The following ATXN7L1 variants were observed in gnomAD, a reference collection of about 807,000 sequenced individuals.
ATXN7L1 encodes the protein ataxin 7 like 1, also known as ataxin-7-like protein 1.
ATXN7L1 carries 15 observed loss-of-function variants against 70.8 expected under a neutral mutation model. The observed-to-expected ratio is 0.21, with a 90% CI of 0.14 to 0.33. ATXN7L1 has a LOEUF of 0.33. ATXN7L1 is among the 10% of genes least tolerant of loss of function. The pLI, the probability that ATXN7L1 is intolerant of heterozygous loss-of-function variation, is 1.00. For missense variants in ATXN7L1, 975 were observed against 1,097.1 expected, an observed-to-expected ratio of 0.89 and a Z score of 1.57; for synonymous variants, 440 against 445.1, an observed-to-expected ratio of 0.99 and a Z score of 0.14.
intron 3 of ATXN7L1, chr7:105,788,204 C>T (rs1009811197): frequency 9.6e-5 from 17 of 176,734 alleles, no homozygotes; most frequent in East Asian, 2.7e-4. Context: ...TGTGCTTGGC[C>T]GCAGCCCTCC....
At chr7:105,618,591 G>A (rs1794273892) in intron 9 of ATXN7L1, among the ~76,000 whole-genome samples, 1 of 152,156 alleles carries the variant, frequency 6.6e-6, no homozygotes, top group Non-Finnish European at 1.5e-5. Context: ...AATCCTGGAA[G>A]AGGGGCAAAT....
intron 3 of ATXN7L1, among the ~76,000 whole-genome samples, chr7:105,756,679 A>G (rs1799841953): frequency 6.6e-6 from 1 of 152,248 alleles, no homozygotes; most frequent in Non-Finnish European, 1.5e-5. Context: ...TCACTTATGC[A>G]AGAAATGAAA....
chr7:105,709,607 G>C (rs540617343), intron 3 of ATXN7L1, among the ~76,000 whole-genome samples: 1 of 152,212 alleles, frequency 6.6e-6, no homozygotes, highest in South Asian at 2.1e-4. Flanking sequence ...CTCTACCCTA[G>C]AGCCTGCTGA....
chr7:105,743,698 C>T (rs530225845), intron 3 of ATXN7L1, among the ~76,000 whole-genome samples: 13 of 152,330 alleles, frequency 8.5e-5, no homozygotes, highest in African/African-American at 2.9e-4. Flanking sequence ...GCCATAAATG[C>T]TAACAATGCC....
chr7:105,807,621 A>T (rs1273725372), intron 2 of ATXN7L1, among the ~76,000 whole-genome samples: 1 of 152,218 alleles, frequency 6.6e-6, no homozygotes, highest in African/African-American at 2.4e-5. Context: ...ACAGACACTT[A>T]TAAAATACTT....
chr7:105,800,676 A>AG (rs1475730479), intron 2 of ATXN7L1, among the ~76,000 whole-genome samples: 1 of 152,220 alleles, frequency 6.6e-6, no homozygotes, highest in Non-Finnish European at 1.5e-5. Flanking sequence ...GCTGTGGGGT[A>AG]GTGGAATGAG....
chr7:105,636,862 T>C (rs1293560463), intron 7 of ATXN7L1, among the ~76,000 whole-genome samples: 1 of 152,176 alleles, frequency 6.6e-6, no homozygotes, highest in Non-Finnish European at 1.5e-5. Flanking sequence ...TACTTTCCTA[T>C]CAGGTACCCA....
chr7:105,729,777 G>A (rs1796324575), intron 3 of ATXN7L1, among the ~76,000 whole-genome samples: 1 of 144,268 alleles, frequency 6.9e-6, no homozygotes, highest in Non-Finnish European at 1.5e-5. Flanking sequence ...TCACTCTGTC[G>A]CCCAGGCTGG....
At chr7:105,864,827 G>C (rs1368019206) in intron 2 of ATXN7L1, among the ~76,000 whole-genome samples, 2 of 151,890 alleles carry the variant, frequency 1.3e-5, no homozygotes, top group African/African-American at 4.8e-5. Context: ...AGTAGAGATG[G>C]GGTTTCACCA....
chr7:105,658,274 G>A (rs772238328), intron 4 of ATXN7L1, among the ~76,000 whole-genome samples: 22 of 150,952 alleles, frequency 1.5e-4, no homozygotes, highest in Non-Finnish European at 2.8e-4. Flanking sequence ...TCTTCTTGCC[G>A]GTCTGGGCAG....
rs1792795902 is a variant in ATXN7L1 at position 105,607,195 on chromosome 7, A to G, written c.*657T>C. 6.5e-6 allele frequency: 1 copy of G among 152,786 alleles called. No homozygotes were observed. Among genetic ancestry groups the G allele is most frequent in the African/African-American group, 2.4e-5 (1 of 41,436 alleles). The allele number at this position is 152,786 out of a possible 1,614,324, so 9.5% of individuals were successfully genotyped here. On this transcript the variant is annotated 3_prime_UTR_variant, in exon 12 of 12. Coordinates refer to ENST00000419735, the MANE Select transcript of ATXN7L1 (RefSeq NM_020725.2). ...GTGGTATTAGGTAAACCACATCACT[A>G]AACGGCCACTGTTCTCAATCTCGCT...
chr7:105,715,979 C>T (rs1045656777), intron 3 of ATXN7L1, among the ~76,000 whole-genome samples: 2 of 152,072 alleles, frequency 1.3e-5, no homozygotes, highest in Admixed American at 6.6e-5. Flanking sequence ...AAAGGAACCC[C>T]TACCCTCCAA....
intron 2 of ATXN7L1, among the ~76,000 whole-genome samples, chr7:105,820,914 C>G (rs1205417809): frequency 6.6e-6 from 1 of 152,234 alleles, no homozygotes; most frequent in Non-Finnish European, 1.5e-5. Flanking sequence ...ATGCCTGTTC[C>G]TGCTTTGGCT....
intron 3 of ATXN7L1, among the ~76,000 whole-genome samples, chr7:105,747,497 C>T (rs996183272): frequency 5.3e-5 from 8 of 152,168 alleles, no homozygotes; most frequent in African/African-American, 9.7e-5. Context: ...GCAGTTTATT[C>T]GTATCCTTTA....
chr7:105,672,735 T>C (rs1258305143), intron 3 of ATXN7L1, among the ~76,000 whole-genome samples: 4 of 152,088 alleles, frequency 2.6e-5, no homozygotes, highest in African/African-American at 9.7e-5. Flanking sequence ...CAGCGGGACC[T>C]CTCCTTTCCC....
intron 3 of ATXN7L1, among the ~76,000 whole-genome samples, chr7:105,751,330 T>C (rs142062097): frequency 7.2e-5 from 11 of 152,272 alleles, no homozygotes; most frequent in African/African-American, 2.6e-4. Flanking sequence ...AATCCCCACG[T>C]AACCAGCATC....
intron 4 of ATXN7L1, among the ~76,000 whole-genome samples, chr7:105,651,426 A>G (rs1252249842): frequency 6.6e-6 from 1 of 152,190 alleles, no homozygotes; most frequent in African/African-American, 2.4e-5. Context: ...CTTGAAAGGT[A>G]TATATGTGGG....
Position 105,692,370 on chromosome 7 carries a change from T to TTTCCTTCCTTCCTTCC in ATXN7L1, c.356-27098_356-27083dup, listed in dbSNP as rs60485799. ...GGGACATGCTGGATGAATTTCTTTC[T>TTTCCTTCCTTCCTTCC]TTCCTTCCTTCCTTCCTTCCTTCCT... On this transcript the variant is annotated intron_variant, in intron 3 of 11. Coordinates refer to ENST00000419735, the MANE Select transcript of ATXN7L1 (RefSeq NM_020725.2). Among the ~76,000 whole-genome samples, 156 of 94,598 alleles carry TTTCCTTCCTTCCTTCC rather than the reference T, an allele frequency of 1.6e-3. 2 individuals carry two copies. Among genetic ancestry groups the TTTCCTTCCTTCCTTCC allele is most frequent in the African/African-American group, 3.0e-3 (70 of 23,232 alleles). 62.1% of individuals were successfully genotyped at this position (94,598 alleles called of 152,430 possible).
intron 3 of ATXN7L1, among the ~76,000 whole-genome samples, chr7:105,668,344 C>T (rs1296601246): frequency 6.6e-6 from 1 of 152,200 alleles, no homozygotes; most frequent in South Asian, 2.1e-4. Context: ...AGCGATCCTC[C>T]CAACTCAGCC....
Sources: allele counts gnomAD v4.1 joint callset (sites outside exome capture counted in the v4.1 genomes callset), GRCh38; gene constraint gnomAD v4.1.1; transcripts MANE v1.5; gene names NCBI Gene and HGNC (gene_info 2026-07-23, HGNC 2026-07-21).